The following STAG1 variants were observed in gnomAD, a reference collection of about 807,000 sequenced individuals.
The protein encoded by STAG1 is cohesin subunit SA-1.
STAG1 carries 26 observed loss-of-function variants against 170.9 expected under a neutral mutation model. That is an observed-to-expected ratio of 0.15 (90% confidence interval 0.11 to 0.21). STAG1 has a LOEUF of 0.21. STAG1 is among the 10% of genes least tolerant of loss of function. STAG1 has a pLI of 1.00. For missense variants in STAG1, 964 were observed against 1,509.5 expected (o/e 0.64, Z 5.99); for synonymous variants, 514 against 497.7 (o/e 1.03, Z -0.44).
chr3:136,613,427 G>A (rs1939417958), intron 3 of STAG1, among the ~76,000 whole-genome samples: 1 of 151,848 alleles, frequency 6.6e-6, no homozygotes, highest in Non-Finnish European at 1.5e-5. Flanking sequence ...CATGTAGTAG[G>A]ATCTCATTGT....
chr3:136,750,402 A>G (rs748427895), intron 1 of STAG1, among the ~76,000 whole-genome samples: 3 of 152,216 alleles, frequency 2.0e-5, no homozygotes, highest in African/African-American at 7.2e-5. Context: ...ACTTCGGTCC[A>G]GGACCCACTC....
intron 31 of STAG1, 48 bp from the exon 32 acceptor site, chr3:136,340,653 TGGAGTC>T: frequency 8.2e-7 from 1 of 1,217,346 alleles, no homozygotes. Context: ...CTCCACCATT[TGGAGTC>T]CTGGCTGTTT....
At chr3:136,569,568 G>A (rs1158272778) in intron 4 of STAG1, among the ~76,000 whole-genome samples, 2 of 152,020 alleles carry the variant, frequency 1.3e-5, no homozygotes, top group Non-Finnish European at 2.9e-5. Flanking sequence ...ACCCAGGGTT[G>A]AAGTCTTTAG....
intron 10 of STAG1, among the ~76,000 whole-genome samples, chr3:136,476,726 T>C (rs2089759746): frequency 6.6e-6 from 1 of 152,176 alleles, no homozygotes; most frequent in African/African-American, 2.4e-5. Flanking sequence ...ATTATTTCTA[T>C]TACAGTACGT....
At chr3:136,668,467 A>G (rs1400062635) in intron 1 of STAG1, among the ~76,000 whole-genome samples, 1 of 148,886 alleles carries the variant, frequency 6.7e-6, no homozygotes, top group East Asian at 1.9e-4. Context: ...CTATAAAAAA[A>G]TAAAGTAGGC....
chr3:136,751,991 GC>G (rs1274282540), intron 1 of STAG1, among the ~76,000 whole-genome samples: 1 of 150,718 alleles, frequency 6.6e-6, no homozygotes, highest in Non-Finnish European at 1.5e-5. Context: ...CACTCGGACG[GC>G]CCACGACCGC....
rs906239129 is a variant in STAG1 at position 136,338,058 on chromosome 3, T to C, written c.*196A>G. The stretch of plus-strand genomic sequence containing the variant: ...TGATTTTCAGGTCAGTCTTTCTGAG[T>C]TGACATTCACCAACATTCCCTTGGG... On this transcript the variant is annotated 3_prime_UTR_variant, in exon 34 of 34. Coordinates refer to ENST00000383202, the MANE Select transcript of STAG1 (RefSeq NM_005862.3). The C allele has an allele frequency of 5.3e-6, 3 of 561,216 alleles. No individual in the cohort carries two copies. The highest frequency in any genetic ancestry group is 1.9e-5 in the African/African-American group (1 of 52,694). 34.8% of individuals were successfully genotyped at this position (561,216 alleles called of 1,614,324 possible). A position where few individuals can be genotyped will look rare whatever the true frequency, so the allele number is the denominator to read the frequency against.
At chr3:136,628,367 CAT>C (rs1163554783) in intron 2 of STAG1, among the ~76,000 whole-genome samples, 1 of 152,036 alleles carries the variant, frequency 6.6e-6, no homozygotes, top group African/African-American at 2.4e-5. Flanking sequence ...GAGAAAAAAA[CAT>C]AATTCTGAAC....
intron 4 of STAG1, among the ~76,000 whole-genome samples, chr3:136,589,050 C>A (rs1025714761): frequency 1.3e-5 from 2 of 152,054 alleles, no homozygotes; most frequent in South Asian, 4.1e-4. Context: ...TATGAGCCAC[C>A]ACACCCAGCC....
intron 5 of STAG1, among the ~76,000 whole-genome samples, chr3:136,543,917 C>T (rs1357443355): frequency 6.6e-6 from 1 of 152,022 alleles, no homozygotes; most frequent in African/African-American, 2.4e-5. Flanking sequence ...GATACATTAT[C>T]GTGCCCATTT....
intron 5 of STAG1, among the ~76,000 whole-genome samples, chr3:136,565,082 G>T (rs1184486247): frequency 1.0e-4 from 5 of 49,496 alleles, no homozygotes; most frequent in African/African-American, 3.8e-4. Flanking sequence ...GGGAGGGAGG[G>T]AGGGAGGGAG....
intron 1 of STAG1, among the ~76,000 whole-genome samples, chr3:136,725,635 C>A (rs542474577): frequency 6.6e-6 from 1 of 152,228 alleles, no homozygotes; most frequent in East Asian, 1.9e-4. Flanking sequence ...GAGACACATG[C>A]AGAAGGACAG....
At chr3:136,721,639 C>G (rs1010942992) in intron 1 of STAG1, 16 of 152,318 alleles carry the variant, frequency 1.1e-4, no homozygotes, top group African/African-American at 2.9e-4. Flanking sequence ...CCTGTAATCC[C>G]AGCACTTCAG....
intron 22 of STAG1, among the ~76,000 whole-genome samples, chr3:136,389,355 G>A (rs1438831707): frequency 1.3e-5 from 2 of 152,080 alleles, no homozygotes; most frequent in South Asian, 4.2e-4. Context: ...TGTCACGCAG[G>A]GTGGAGTGCA....
At chr3:136,734,000 A>G (rs1014014546) in intron 1 of STAG1, among the ~76,000 whole-genome samples, 3 of 151,260 alleles carry the variant, frequency 2.0e-5, no homozygotes, top group Non-Finnish European at 4.4e-5. Context: ...CCAGCTACTC[A>G]GGAGGCTGAG....
chr3:136,516,760 A>T (rs1417784238), intron 7 of STAG1, among the ~76,000 whole-genome samples: 1 of 152,202 alleles, frequency 6.6e-6, no homozygotes, highest in Admixed American at 6.5e-5. Flanking sequence ...AGCTTACTAA[A>T]TGCCAAGCAT....
chr3:136,741,291 T>C (rs1344548400), intron 1 of STAG1, among the ~76,000 whole-genome samples: 1 of 152,246 alleles, frequency 6.6e-6, no homozygotes, highest in Non-Finnish European at 1.5e-5. Context: ...CAGTGCATCG[T>C]TCTTCATCTA....
intron 22 of STAG1, among the ~76,000 whole-genome samples, chr3:136,398,161 A>G (rs1294727734): frequency 1.3e-5 from 2 of 151,476 alleles, no homozygotes; most frequent in Middle Eastern, 3.4e-3. Flanking sequence ...TCTGTCGCTC[A>G]GGCTGGAGAG....
At chr3:136,714,961 A>T (rs1165071335) in intron 1 of STAG1, among the ~76,000 whole-genome samples, 2 of 64,324 alleles carry the variant, frequency 3.1e-5, no homozygotes, top group Non-Finnish European at 8.2e-5. Context: ...ATATATATAT[A>T]TATTTTATAT....
Sources: gnomAD v4.1 joint callset for allele counts (sites outside exome capture counted in the v4.1 genomes callset) on GRCh38, gnomAD v4.1.1 for gene constraint, MANE v1.5 for transcripts, NCBI Gene and HGNC (gene_info 2026-07-23, HGNC 2026-07-21) for gene names.